Variants in KBTBD11 observed in about 807,000 individuals in gnomAD.
KBTBD11 encodes the protein kelch repeat and BTB domain containing 11.
For synonymous variants in KBTBD11, 747 were observed against 499.0 expected, an observed-to-expected ratio of 1.50 and a Z score of -6.63; for missense variants, 1,390 against 1,001.8, an observed-to-expected ratio of 1.39 and a Z score of -5.23.
At chr8:1,984,530 C>T (rs12543138) in intron 1 of KBTBD11, among the ~76,000 whole-genome samples, 48,764 of 151,760 alleles carry the variant, frequency 0.32, 7,964 homozygotes, top group African/African-American at 0.34. Context: ...CTTGCGATCC[C>T]CCCGCCTCAG....
rs1454179992 is a variant in KBTBD11, at chr8:1,973,902, C to T, written c.-942C>T. The T allele has an allele frequency of 1.9e-5, 19 of 982,882 alleles. No individual in the cohort carries two copies. Among genetic ancestry groups the T allele is most frequent in the African/African-American group, 1.4e-4 (8 of 56,856 alleles). The allele number at this position is 982,882 out of a possible 1,614,324, so 60.9% of individuals were successfully genotyped here. A position where few individuals can be genotyped will look rare whatever the true frequency, so the allele number is the denominator to read the frequency against. Reference sequence around the variant, plus strand: ...GAGCCCACCCGCCTGGCTGCGCGTCCCGGGCCCGGCGGCTGAAGAGGAGCC... The same window carrying T: ...GAGCCCACCCGCCTGGCTGCGCGTCTCGGGCCCGGCGGCTGAAGAGGAGCC... On this transcript the variant is annotated 5_prime_UTR_variant, in exon 1 of 2. Coordinates refer to ENST00000320248, the MANE Select transcript of KBTBD11 (RefSeq NM_014867.3).
intron 1 of KBTBD11, among the ~76,000 whole-genome samples, chr8:1,992,825 T>C (rs1816967880): frequency 6.7e-6 from 1 of 148,818 alleles, no homozygotes; most frequent in Non-Finnish European, 1.5e-5. Context: ...TTGATCTCTT[T>C]TATTTATTTT....
In KBTBD11 at chr8:2,002,597, C is replaced by A; in HGVS notation, c.1405C>A (p.Arg469Ser). 6.3e-7 allele frequency: 1 copy of A among 1,585,694 alleles called. No individual in the cohort carries two copies. Among genetic ancestry groups the A allele is most frequent in the Non-Finnish European group, 8.5e-7 (1 of 1,174,590 alleles). The change falls in exon 2 of 2, where the codon CGC becomes AGC. Residue 469 changes from arginine to serine, a missense_variant. Arg to Ser is a moderately radical substitution (Grantham distance 110). Transcript: ENST00000320248. The surrounding 1 kb of genome is among the most constrained non-coding windows in gnomAD (Gnocchi z 4.1). ...CGTGTCCGGGGGCTCCCTCTTCTAT[C>A]GCCTGCTCAAGTATGACCCGCGGCG... is the stretch of plus-strand genomic sequence containing the variant. ...IYVSGGSLFY[R>S]LLKYDPRRDE...
chr8:1,991,080 GCGCCC>G (rs1816897170), intron 1 of KBTBD11, among the ~76,000 whole-genome samples: 1 of 140,772 alleles, frequency 7.1e-6, no homozygotes, highest in African/African-American at 2.7e-5. Flanking sequence ...CGGGGCCTTG[GCGCCC>G]TGTCCGGGTA....
At chr8:1,991,140 G>T (rs551313944) in intron 1 of KBTBD11, among the ~76,000 whole-genome samples, 8 of 152,144 alleles carry the variant, frequency 5.3e-5, no homozygotes, top group Non-Finnish European at 1.2e-4. Flanking sequence ...ATGCTGTGGG[G>T]CCTTGGTGCC....
chr8:1,994,834 G>A (rs978049518), intron 1 of KBTBD11, among the ~76,000 whole-genome samples: 1 of 152,098 alleles, frequency 6.6e-6, no homozygotes, highest in Admixed American at 6.5e-5. Flanking sequence ...CAAGGTGGGC[G>A]GATCACTTGA....
At chr8:1,998,647 G>A (rs996413036) in intron 1 of KBTBD11, among the ~76,000 whole-genome samples, 1 of 152,184 alleles carries the variant, frequency 6.6e-6, no homozygotes, top group African/African-American at 2.4e-5. Flanking sequence ...TAGGGGCTAT[G>A]TCTTCTGTAT....
At chr8:1,974,199 T>C in intron 1 of KBTBD11, 7 of 686,860 alleles carry the variant, frequency 1.0e-5, no homozygotes, top group Non-Finnish European at 1.2e-5. Context: ...CGGCGGTGGG[T>C]GGTCTCCGCT....
At chr8:1,996,743 C>T (rs1226776652) in intron 1 of KBTBD11, among the ~76,000 whole-genome samples, 1 of 152,006 alleles carries the variant, frequency 6.6e-6, no homozygotes, top group East Asian at 1.9e-4. Flanking sequence ...TCCTAATGTC[C>T]ACATTAAATA....
At chr8:1,992,484 C>G (rs1002172931) in intron 1 of KBTBD11, among the ~76,000 whole-genome samples, 2 of 151,974 alleles carry the variant, frequency 1.3e-5, no homozygotes, top group Non-Finnish European at 1.5e-5. Flanking sequence ...GTGGGAAACA[C>G]TGGCTGGAGG....
intron 1 of KBTBD11, among the ~76,000 whole-genome samples, chr8:1,994,477 G>A (rs1400923568): frequency 6.6e-6 from 1 of 152,254 alleles, no homozygotes; most frequent in Non-Finnish European, 1.5e-5. Context: ...GTCATGGCAC[G>A]GTGGCTGATG....
intron 1 of KBTBD11, among the ~76,000 whole-genome samples, chr8:1,977,717 G>A (rs1295994667): frequency 1.3e-5 from 2 of 151,732 alleles, no homozygotes; most frequent in African/African-American, 2.4e-5. Flanking sequence ...TGTAGTTTTA[G>A]TAGAGATGGG....
At position 2,001,412 on chromosome 8, in the gene KBTBD11, G is replaced by A. The variant is rs1817347187; in HGVS notation, c.220G>A (p.Val74Met). ...GCCCTCCAGCGGTGGCCCGCGGGTG[G>A]TGGAGCGGCAGTGGGAGGCCGGCAG... Reference protein sequence around the residue: ...SPPSSGGPRVVERQWEAGSAG... With the variant: ...SPPSSGGPRVMERQWEAGSAG... The change falls in exon 2 of 2, where the codon GTG (valine) becomes ATG (methionine). Residue 74 changes from valine to methionine, a missense_variant. By Grantham distance (21) the Val-to-Met change is conservative. Transcript: ENST00000320248. 1.4e-6 allele frequency: 2 copies of A among 1,395,578 alleles called. No homozygotes were observed. Among genetic ancestry groups the A allele is most frequent in the African/African-American group, 1.5e-5 (1 of 66,148 alleles). The allele number at this position is 1,395,578 out of a possible 1,614,324, so 86.4% of individuals were successfully genotyped here. A position where few individuals can be genotyped will look rare whatever the true frequency, so the allele number is the denominator to read the frequency against.
intron 1 of KBTBD11, among the ~76,000 whole-genome samples, chr8:1,984,016 G>A (rs1816626380): frequency 1.3e-5 from 2 of 152,220 alleles, no homozygotes; most frequent in Admixed American, 1.3e-4. Flanking sequence ...TTTAGTTCCA[G>A]CTACTCGGGA....
chr8:1,988,984 C>T (rs1348668967), intron 1 of KBTBD11, among the ~76,000 whole-genome samples: 1 of 151,986 alleles, frequency 6.6e-6, no homozygotes, highest in East Asian at 1.9e-4. Context: ...TGGTAGGACA[C>T]TCAACTTTGA....
In KBTBD11 at chr8:1,999,046, A is replaced by T. The variant is rs542082271; in HGVS notation, c.-908-1239A>T. ...ACCTACCCTGGGGATCAGAGCTTCAAGGTTCTCAGAAACCTTCTTAATATT... is the reference window on the plus strand; with the variant it reads ...ACCTACCCTGGGGATCAGAGCTTCATGGTTCTCAGAAACCTTCTTAATATT... On this transcript the variant is annotated intron_variant, in intron 1 of 1. Transcript: ENST00000320248. Among the ~76,000 whole-genome samples, 11 of 152,338 alleles carry T rather than the reference A, an allele frequency of 7.2e-5. No homozygotes were observed. In the South Asian group the frequency reaches 2.3e-3, roughly 32 times the overall value.
rs887797608 is a variant in KBTBD11, at chr8:2,003,502, T to C, written c.*438T>C. On this transcript the variant is annotated 3_prime_UTR_variant, in exon 2 of 2. Transcript: ENST00000320248. ...CACGCAGAGAGGGTCACGCCTTTTA[T>C]TTTTGGCTTGAGATTTAAAATTATA... 5.7e-6 allele frequency: 1 copy of C among 174,426 alleles called. No individual in the cohort carries two copies. The highest frequency in any genetic ancestry group is 2.4e-5 in the African/African-American group (1 of 41,730). 10.8% of individuals were successfully genotyped at this position (174,426 alleles called of 1,614,324 possible). A position where few individuals can be genotyped will look rare whatever the true frequency, so the allele number is the denominator to read the frequency against.
chr8:1,992,666 C>G (rs968105156), intron 1 of KBTBD11, among the ~76,000 whole-genome samples: 2 of 151,622 alleles, frequency 1.3e-5, no homozygotes, highest in East Asian at 3.9e-4. Context: ...CTTTCTATAT[C>G]TTAAGACTTT....
intron 1 of KBTBD11, among the ~76,000 whole-genome samples, chr8:1,979,934 G>C (rs918264612): frequency 2.0e-5 from 3 of 152,192 alleles, no homozygotes; most frequent in African/African-American, 4.8e-5. Context: ...TCTGTTTGCA[G>C]CTGAGAGGTT....
Sources: gnomAD v4.1 joint callset for allele counts (sites outside exome capture counted in the v4.1 genomes callset) on GRCh38, gnomAD v4.1.1 for gene constraint, Gnocchi (gnomAD v3.1) non-coding constraint, MANE v1.5 for transcripts, NCBI Gene and HGNC (gene_info 2026-07-23, HGNC 2026-07-21) for gene names.